ATRNL1: variants seen among roughly 807,000 people sequenced by gnomAD.
ATRNL1 encodes the protein attractin like 1.
Under a neutral mutation model 182.7 loss-of-function variants are expected in ATRNL1, and 95 were observed. The ratio of observed to expected loss-of-function variants is 0.52; its 90% CI spans 0.44 to 0.62. The LOEUF (loss-of-function observed/expected upper bound fraction) is 0.62. Among genes scored for constraint, ATRNL1 ranks in the 20% least tolerant of loss-of-function variants. The pLI is 0.00. For synonymous variants in ATRNL1, 576 were observed against 568.3 expected (o/e 1.01, Z -0.19); for missense variants, 1,471 against 1,679.5 (o/e 0.88, Z 2.17).
chr10:115,362,215 T>C (rs1215945649), intron 19 of ATRNL1, among the ~76,000 whole-genome samples: 2 of 152,116 alleles, frequency 1.3e-5, no homozygotes, highest in Middle Eastern at 3.2e-3. Flanking sequence ...CATATTTATT[T>C]ATATAAAAAA....
At chr10:115,855,045 C>T (rs1158363935) in intron 28 of ATRNL1, among the ~76,000 whole-genome samples, 2 of 152,192 alleles carry the variant, frequency 1.3e-5, no homozygotes, top group Non-Finnish European at 2.9e-5. Context: ...CCAGGTTTAG[C>T]ACCCTCAGAG....
At chr10:115,726,157 C>A (rs930863424) in intron 26 of ATRNL1, among the ~76,000 whole-genome samples, 23 of 151,998 alleles carry the variant, frequency 1.5e-4, no homozygotes, top group African/African-American at 4.8e-4. Context: ...AATAATTTGG[C>A]CTGTGTTCCT....
intron 10 of ATRNL1, among the ~76,000 whole-genome samples, chr10:115,246,022 A>T (rs1171917652): frequency 6.6e-6 from 1 of 152,160 alleles, no homozygotes; most frequent in African/African-American, 2.4e-5. Flanking sequence ...ATAGTAGTTT[A>T]ATCTTTTTTA....
intron 1 of ATRNL1, among the ~76,000 whole-genome samples, chr10:115,095,373 TTTA>T (rs1254548084): frequency 1.8e-4 from 27 of 148,826 alleles, no homozygotes; most frequent in African/African-American, 6.7e-4. Context: ...TTTTTTTTTT[TTTA>T]AAAAAAAACT....
chr10:115,301,952 C>T lies in ATRNL1; in HGVS notation c.2727C>T (p.Cys909=). Residue 909 remains cysteine, a synonymous_variant, in exon 17 of 29, where the codon TGC becomes TGT. Coordinates refer to ENST00000355044, the MANE Select transcript of ATRNL1 (RefSeq NM_207303.4). The part of the protein sequence containing the change: ...CTSNGMECMW[C]SSTKRCVDSN... ...GCAATGGCATGGAGTGTATGTGGTG[C>T]AGCAGTACGAAACGATGTGTTGACT... 6.2e-7 allele frequency: 1 copy of T among 1,614,042 alleles called. No individual in the cohort carries two copies. Among genetic ancestry groups the T allele is most frequent in the Non-Finnish European group, 8.5e-7 (1 of 1,179,926 alleles).
intron 26 of ATRNL1, among the ~76,000 whole-genome samples, chr10:115,665,214 G>C (rs1047590886): frequency 7.2e-5 from 11 of 151,920 alleles, no homozygotes; most frequent in Non-Finnish European, 1.2e-4. Context: ...TTGGGGAGAG[G>C]GATTTAGTCA....
chr10:115,589,489 T>G (rs1056042115), intron 26 of ATRNL1, among the ~76,000 whole-genome samples: 1 of 152,154 alleles, frequency 6.6e-6, no homozygotes, highest in Non-Finnish European at 1.5e-5. Flanking sequence ...TATCTGTTCC[T>G]TTGACAGTAA....
intron 25 of ATRNL1, among the ~76,000 whole-genome samples, chr10:115,533,237 T>A (rs1190693603): frequency 5.3e-5 from 8 of 151,852 alleles, no homozygotes; most frequent in Non-Finnish European, 7.4e-5. Flanking sequence ...GGTCCTGGAC[T>A]CTTTTTGGTT....
chr10:115,364,107 G>T (rs2134167434), intron 19 of ATRNL1, among the ~76,000 whole-genome samples: 1 of 146,166 alleles, frequency 6.8e-6, no homozygotes, highest in South Asian at 2.3e-4. Flanking sequence ...AATTACCTTG[G>T]GCAGTATGGG....
intron 27 of ATRNL1, among the ~76,000 whole-genome samples, chr10:115,841,032 A>G (rs12258630): frequency 0.19 from 28,981 of 152,064 alleles, 3,366 homozygotes; most frequent in South Asian, 0.29. Flanking sequence ...ACAGGTTGTT[A>G]CAAACCTAAT....
At chr10:115,604,066 A>G (rs1555016831) in intron 26 of ATRNL1, among the ~76,000 whole-genome samples, 3 of 151,772 alleles carry the variant, frequency 2.0e-5, no homozygotes, top group East Asian at 3.9e-4. Context: ...TTCTGGGTCT[A>G]TTGTTTTTTA....
At chr10:115,548,427 A>C (rs1391824146) in intron 25 of ATRNL1, among the ~76,000 whole-genome samples, 1 of 152,222 alleles carries the variant, frequency 6.6e-6, no homozygotes, top group Non-Finnish European at 1.5e-5. Context: ...GAGTGACTTA[A>C]GTGATGAACA....
intron 28 of ATRNL1, among the ~76,000 whole-genome samples, chr10:115,897,878 C>T (rs1215719022): frequency 6.6e-6 from 1 of 151,900 alleles, no homozygotes; most frequent in Non-Finnish European, 1.5e-5. Flanking sequence ...TCGTAACTTG[C>T]ATTTCTTTAA....
intron 26 of ATRNL1, among the ~76,000 whole-genome samples, chr10:115,553,649 G>A (rs1221998750): frequency 1.3e-5 from 2 of 151,282 alleles, no homozygotes; most frequent in Non-Finnish European, 3.0e-5. Context: ...TGAAATTTGA[G>A]TTAAAAATAA....
intron 27 of ATRNL1, among the ~76,000 whole-genome samples, chr10:115,821,097 G>A (rs1589555003): frequency 6.6e-6 from 1 of 151,944 alleles, no homozygotes; most frequent in African/African-American, 2.4e-5. Flanking sequence ...AATTTCCTGA[G>A]GCCTCCCTCA....
chr10:115,137,340 G>T (rs1292341887), intron 5 of ATRNL1, among the ~76,000 whole-genome samples: 1 of 152,208 alleles, frequency 6.6e-6, no homozygotes, highest in African/African-American at 2.4e-5. Flanking sequence ...CATTGTAATA[G>T]AATTCTCATT....
intron 25 of ATRNL1, among the ~76,000 whole-genome samples, chr10:115,525,359 T>G (rs1296521750): frequency 2.6e-5 from 4 of 152,220 alleles, no homozygotes; most frequent in Non-Finnish European, 4.4e-5. Flanking sequence ...ATTCTGGCAG[T>G]TAAGCGCTGA....
chr10:115,573,682 A>T (rs894043054), intron 26 of ATRNL1, among the ~76,000 whole-genome samples: 1 of 152,132 alleles, frequency 6.6e-6, no homozygotes, highest in African/African-American at 2.4e-5. Context: ...GAGCAAGATA[A>T]ATAGGTAACA....
chr10:115,501,669 G>A (rs1490244474), intron 24 of ATRNL1, among the ~76,000 whole-genome samples: 2 of 152,154 alleles, frequency 1.3e-5, no homozygotes, highest in African/African-American at 4.8e-5. Context: ...AACAAATGTT[G>A]TTTATAGGAG....
Sources: allele counts gnomAD v4.1 joint callset (sites outside exome capture counted in the v4.1 genomes callset), GRCh38; gene constraint gnomAD v4.1.1; transcripts MANE v1.5; gene names NCBI Gene and HGNC (gene_info 2026-07-23, HGNC 2026-07-21).